Variants in EVC2 observed in about 807,000 individuals in gnomAD.
The protein encoded by EVC2 is limbin.
Under a neutral mutation model 149.3 loss-of-function variants are expected in EVC2, and 148 were observed. The ratio of observed to expected loss-of-function variants is 0.99; its 90% CI spans 0.87 to 1.14. The LOEUF (loss-of-function observed/expected upper bound fraction) is 1.14, where lower values mean the gene tolerates loss of function less well. Among genes scored for constraint, EVC2 ranks in the 50% most tolerant of loss-of-function variants. EVC2 has a pLI of 0.00. For synonymous variants in EVC2, 776 were observed against 649.9 expected (o/e 1.19, Z -2.95); for missense variants, 1,854 against 1,627.3 (o/e 1.14, Z -2.40).
downstream of EVC2, among the ~76,000 whole-genome samples, chr4:5,539,798 C>T (rs1721483477): frequency 6.7e-6 from 1 of 150,082 alleles, no homozygotes; most frequent in Admixed American, 6.7e-5. Flanking sequence ...CACACACACA[C>T]ACTTTAAAGT....
intron 9 of EVC2, among the ~76,000 whole-genome samples, chr4:5,650,618 TATATATATATATATATATATAGAG>T (rs1211897843): frequency 8.6e-5 from 6 of 70,096 alleles, no homozygotes; most frequent in Admixed American, 8.1e-4. Context: ...TATATATATA[TATATATATATATATATATATAGAG>T]AGAGAGAGAG....
At chr4:5,534,211 G>A in the EVC2 span, among the ~76,000 whole-genome samples, 1 of 152,192 alleles carries the variant, frequency 6.6e-6, no homozygotes, top group Non-Finnish European at 1.5e-5. Context: ...TGATTTTAGA[G>A]AGTTGCTGTA....
Position 5,613,923 on chromosome 4 carries a change from C to T in EVC2, c.2829+1499G>A, listed in dbSNP as rs561689939. Among the ~76,000 whole-genome samples the T allele has an allele frequency of 9.2e-5, 14 of 151,980 alleles. No homozygotes were observed. The highest frequency in any genetic ancestry group is 1.5e-5 in the Non-Finnish European group (1 of 67,998). Reference sequence around the variant, plus strand: ...CCAGAGCAGTTTCTATGGCTCTTGGCGAGATCGTGCATTCGTGTTCTGAGA... The same window carrying T: ...CCAGAGCAGTTTCTATGGCTCTTGGTGAGATCGTGCATTCGTGTTCTGAGA... On this transcript the variant is annotated intron_variant, in intron 16 of 21. Transcript: ENST00000344408. The surrounding 1 kb of genome is among the most constrained non-coding windows in gnomAD (Gnocchi z 4.6).
intron 16 of EVC2, among the ~76,000 whole-genome samples, chr4:5,606,629 A>T (rs1431025430): frequency 6.6e-6 from 1 of 152,180 alleles, no homozygotes; most frequent in Non-Finnish European, 1.5e-5. Flanking sequence ...AAAATTACCA[A>T]GCATGCAAAA....
chr4:5,591,896 GAGA>G (rs1275339639), intron 16 of EVC2, among the ~76,000 whole-genome samples: 2 of 151,990 alleles, frequency 1.3e-5, no homozygotes, highest in Non-Finnish European at 2.9e-5. Flanking sequence ...CTCTTTAAAC[GAGA>G]AGTTCAAACA....
intron 1 of EVC2, among the ~76,000 whole-genome samples, chr4:5,698,817 T>C (rs953380813): frequency 4.6e-5 from 7 of 152,184 alleles, no homozygotes; most frequent in African/African-American, 1.7e-4. Flanking sequence ...CTGGTTTCTG[T>C]GTAATGGAAG....
At chr4:5,659,176 T>C (rs1718722180) in intron 9 of EVC2, among the ~76,000 whole-genome samples, 1 of 152,070 alleles carries the variant, frequency 6.6e-6, no homozygotes, top group East Asian at 1.9e-4. Context: ...GAGGGGGCAA[T>C]CAAGTCACGT....
intron 15 of EVC2, among the ~76,000 whole-genome samples, chr4:5,616,284 C>T (rs1715245022): frequency 6.6e-6 from 1 of 152,176 alleles, no homozygotes; most frequent in Non-Finnish European, 1.5e-5. Flanking sequence ...AACTTGGATC[C>T]CAGCTCAGAG....
At chr4:5,639,810 T>C (rs1427316159) in intron 10 of EVC2, among the ~76,000 whole-genome samples, 2 of 152,234 alleles carry the variant, frequency 1.3e-5, no homozygotes, top group African/African-American at 2.4e-5. Context: ...CCATGAATTC[T>C]ACAGCATTGT....
intron 20 of EVC2, among the ~76,000 whole-genome samples, chr4:5,565,651 C>T (rs765894079): frequency 3.2e-4 from 46 of 145,390 alleles, no homozygotes; most frequent in Non-Finnish European, 5.1e-4. Flanking sequence ...CCAGCCTGGG[C>T]GACAGAGTGA....
intron 19 of EVC2, among the ~76,000 whole-genome samples, chr4:5,571,462 A>G (rs963648534): frequency 1.3e-5 from 2 of 151,954 alleles, no homozygotes; most frequent in Admixed American, 1.3e-4. Context: ...ATAAAAAAAA[A>G]ATTAAAGAAA....
chr4:5,684,751 A>T (rs901174860), intron 6 of EVC2, among the ~76,000 whole-genome samples: 2 of 152,166 alleles, frequency 1.3e-5, no homozygotes, highest in Admixed American at 6.5e-5. Flanking sequence ...TAGGATGGTG[A>T]CTGCATTTGG....
rs1454055697 is a variant in EVC2, at chr4:5,563,031, G to A, written c.3744C>T (p.Pro1248=). 1 of 1,614,206 alleles carries A rather than the reference G, an allele frequency of 6.2e-7. No individual in the cohort carries two copies. Among genetic ancestry groups the A allele is most frequent in the Admixed American group, 1.7e-5 (1 of 60,032 alleles). ...TGGGTACAGGGGCCAGTTCGCCAAT[G>A]GGCTCCAGTGACAGGTGTGGCCAAC... ...KGSWPHLSLE[P]IGELAPVPIV... The change falls in exon 22 of 22, where the codon CCC becomes CCT. Residue 1248 remains proline, a synonymous_variant. Coordinates refer to ENST00000344408, the MANE Select transcript of EVC2 (RefSeq NM_147127.5).
chr4:5,648,970 T>C (rs1717918618), intron 9 of EVC2, among the ~76,000 whole-genome samples: 1 of 152,182 alleles, frequency 6.6e-6, no homozygotes, highest in South Asian at 2.1e-4. Context: ...CAGGATCAGG[T>C]CCACTGGTGA....
At chr4:5,652,124 T>G (rs1389617147) in intron 9 of EVC2, among the ~76,000 whole-genome samples, 3 of 152,116 alleles carry the variant, frequency 2.0e-5, no homozygotes, top group African/African-American at 7.2e-5. Flanking sequence ...GGTGTGTGAA[T>G]GGACTGGACG....
intron 9 of EVC2, among the ~76,000 whole-genome samples, chr4:5,661,524 G>T (rs1483724240): frequency 6.6e-6 from 1 of 152,212 alleles, no homozygotes; most frequent in Non-Finnish European, 1.5e-5. Flanking sequence ...CGAGGGTACA[G>T]ATAATAACGT....
downstream of EVC2, among the ~76,000 whole-genome samples, chr4:5,541,557 G>C (rs990726284): frequency 6.6e-6 from 1 of 152,138 alleles, no homozygotes; most frequent in Non-Finnish European, 1.5e-5. Context: ...TACATGTTTG[G>C]AATATGCAGG....
At chr4:5,551,331 G>C (rs1359856138) in intron 21 of EVC2, among the ~76,000 whole-genome samples, 2 of 152,208 alleles carry the variant, frequency 1.3e-5, no homozygotes, top group African/African-American at 4.8e-5. Flanking sequence ...CTCACCTCTT[G>C]CAACAGCATG....
At chr4:5,626,331 G>GT (rs34539817) in intron 12 of EVC2, among the ~76,000 whole-genome samples, 2,712 of 124,470 alleles carry the variant, frequency 0.022, 98 homozygotes, top group African/African-American at 0.063. Flanking sequence ...CGTTCTTCTT[G>GT]TTTTTTTTTT....
Sources: allele counts gnomAD v4.1 joint callset (sites outside exome capture counted in the v4.1 genomes callset), GRCh38; gene constraint gnomAD v4.1.1; non-coding constraint Gnocchi (gnomAD v3.1); transcripts MANE v1.5; gene names NCBI Gene and HGNC (gene_info 2026-07-23, HGNC 2026-07-21).